Variants in TRAK1 observed in about 807,000 individuals in gnomAD.
TRAK1 encodes trafficking kinesin protein 1.
A neutral mutation model predicts 92.1 loss-of-function variants in TRAK1; 33 were observed. That is an observed-to-expected ratio of 0.36 (90% CI 0.27 to 0.48). TRAK1 has a LOEUF of 0.48. TRAK1 is among the 20% of genes least tolerant of loss of function. The probability of loss-of-function intolerance (pLI) is 0.99; values close to 1 mark genes in which losing one functional copy is unlikely to be tolerated. For missense variants in TRAK1, 1,123 were observed against 1,257.9 expected (o/e 0.89, Z 1.62); for synonymous variants, 521 against 517.3 (o/e 1.01, Z -0.10).
chr3:42,151,085 G>A (rs563398518), intron 2 of TRAK1, among the ~76,000 whole-genome samples: 2 of 152,318 alleles, frequency 1.3e-5, no homozygotes, highest in South Asian at 4.1e-4. Context: ...CTGTACCATT[G>A]GATTAGGGAG....
chr3:42,036,323 G>A (rs1434705753), intron 1 of TRAK1, among the ~76,000 whole-genome samples: 2 of 152,172 alleles, frequency 1.3e-5, no homozygotes, highest in Admixed American at 6.5e-5. Flanking sequence ...AGTAGTGCCT[G>A]GTACATAGTA....
At chr3:42,064,190 C>T (rs1380515931) in intron 1 of TRAK1, among the ~76,000 whole-genome samples, 1 of 152,084 alleles carries the variant, frequency 6.6e-6, no homozygotes, top group Admixed American at 6.6e-5. Flanking sequence ...GCCAGGCGGG[C>T]GCTGTGGCTC....
chr3:42,100,329 T>C (rs889045451), intron 1 of TRAK1, among the ~76,000 whole-genome samples: 4 of 152,186 alleles, frequency 2.6e-5, no homozygotes, highest in African/African-American at 9.7e-5. Flanking sequence ...ATTGTGCCAC[T>C]GCACTCCAGC....
intron 1 of TRAK1, among the ~76,000 whole-genome samples, chr3:42,063,394 G>A (rs1703534369): frequency 6.6e-6 from 1 of 152,198 alleles, no homozygotes; most frequent in African/African-American, 2.4e-5. Context: ...TTGCTCTTTT[G>A]TAAAGGTGGG....
At chr3:42,030,717 T>A (rs1460678348) in intron 1 of TRAK1, among the ~76,000 whole-genome samples, 2 of 16,756 alleles carry the variant, frequency 1.2e-4, no homozygotes, top group Non-Finnish European at 6.3e-4. Context: ...TATATATATA[T>A]ATATATATAT....
intron 1 of TRAK1, among the ~76,000 whole-genome samples, chr3:42,047,200 CTTTTTTTTTT>C (rs561224807): frequency 9.3e-6 from 1 of 107,154 alleles, no homozygotes; most frequent in Admixed American, 1.1e-4. Context: ...AAAAACTGAT[CTTTTTTTTTT>C]TTTTTTTTTT....
intron 2 of TRAK1, among the ~76,000 whole-genome samples, chr3:42,129,014 T>C (rs1005812336): frequency 1.3e-5 from 2 of 152,248 alleles, no homozygotes; most frequent in Non-Finnish European, 2.9e-5. Context: ...CCAGAGTTTT[T>C]CAAGTTTTAG....
chr3:42,222,715 A>T (rs1390542360), intron 15 of TRAK1, among the ~76,000 whole-genome samples: 1 of 152,124 alleles, frequency 6.6e-6, no homozygotes, highest in Non-Finnish European at 1.5e-5. Context: ...CCAACCAGGG[A>T]TGGGCAAAGG....
chr3:42,083,194 T>G (rs1451706185), upstream of TRAK1, among the ~76,000 whole-genome samples: 1 of 152,102 alleles, frequency 6.6e-6, no homozygotes, highest in Non-Finnish European at 1.5e-5. Context: ...TTTGTTGTTG[T>G]TTTTTTAAAA....
chr3:42,046,817 G>A (rs1702768898), intron 1 of TRAK1, among the ~76,000 whole-genome samples: 2 of 152,136 alleles, frequency 1.3e-5, no homozygotes, highest in Admixed American at 1.3e-4. Flanking sequence ...CACTAATGGT[G>A]CTAATTGAGT....
intron 1 of TRAK1, among the ~76,000 whole-genome samples, chr3:42,110,809 C>T (rs918310884): frequency 6.6e-6 from 1 of 152,194 alleles, no homozygotes; most frequent in African/African-American, 2.4e-5. Flanking sequence ...CCGCTCTGCT[C>T]AGTGTTTGTG....
chr3:42,213,178 C>T (rs2149519256), intron 14 of TRAK1, among the ~76,000 whole-genome samples: 2 of 151,936 alleles, frequency 1.3e-5, no homozygotes, highest in African/African-American at 4.8e-5. Context: ...CTGCCTCAGC[C>T]TCCCAAGTAG....
chr3:42,110,856 T>C (rs190872098), intron 1 of TRAK1, among the ~76,000 whole-genome samples: 2 of 152,344 alleles, frequency 1.3e-5, no homozygotes, highest in African/African-American at 4.8e-5. Context: ...CTGCAGGTGC[T>C]TGTGAAGAAC....
At chr3:42,043,985 A>C (rs181292264) in intron 1 of TRAK1, among the ~76,000 whole-genome samples, 5 of 152,308 alleles carry the variant, frequency 3.3e-5, no homozygotes. Flanking sequence ...ATGGGAACTC[A>C]TGTGTTTGTC....
At chr3:42,211,020 T>C in intron 14 of TRAK1, 1 of 985,424 alleles carries the variant, frequency 1.0e-6, no homozygotes, top group Non-Finnish European at 1.2e-6. Context: ...GCCCCTTGTG[T>C]TGGGAAGGCA....
At chr3:42,158,759 C>T (rs1284012676) in intron 2 of TRAK1, among the ~76,000 whole-genome samples, 2 of 132,508 alleles carry the variant, frequency 1.5e-5, no homozygotes, top group Admixed American at 8.4e-5. Context: ...CTGGTGAACA[C>T]GGTGAAACCC....
At chr3:42,205,729 C>T (rs753694412) in intron 13 of TRAK1, among the ~76,000 whole-genome samples, 3 of 152,176 alleles carry the variant, frequency 2.0e-5, no homozygotes, top group Admixed American at 6.5e-5. Context: ...GTATCTAAGC[C>T]CTGATGCTCC....
At chr3:42,027,885 C>T (rs868539627) in intron 1 of TRAK1, among the ~76,000 whole-genome samples, 1 of 151,986 alleles carries the variant, frequency 6.6e-6, no homozygotes, top group Non-Finnish European at 1.5e-5. Context: ...GTTTCGCTCT[C>T]GTTGCCCAGG....
chr3:42,120,882 A>G (rs956383902), intron 1 of TRAK1, among the ~76,000 whole-genome samples: 3 of 152,176 alleles, frequency 2.0e-5, no homozygotes, highest in Non-Finnish European at 4.4e-5. Flanking sequence ...AATTATTCCA[A>G]CACCTCCCTA....
Sources: allele counts gnomAD v4.1 joint callset (sites outside exome capture counted in the v4.1 genomes callset), GRCh38; gene constraint gnomAD v4.1.1; transcripts MANE v1.5; gene names NCBI Gene and HGNC (gene_info 2026-07-23, HGNC 2026-07-21).